Variants in GLB1L3 observed in about 807,000 individuals in gnomAD.
The protein encoded by GLB1L3 is galactosidase beta 1 like 3.
GLB1L3 carries 89 observed loss-of-function variants against 89.5 expected under a neutral mutation model. The observed-to-expected ratio is 0.99, with a 90% CI of 0.84 to 1.19. GLB1L3 has a LOEUF of 1.19. Ranked by LOEUF, GLB1L3 falls within the 50% of genes most tolerant of loss-of-function variation. The pLI, the probability that GLB1L3 is intolerant of heterozygous loss-of-function variation, is 0.00. For synonymous variants in GLB1L3, 314 were observed against 312.3 expected (o/e 1.01, Z -0.06); for missense variants, 812 against 813.3 (o/e 1.00, Z 0.02).
rs974704013 is a variant in GLB1L3 at position 134,312,285 on chromosome 11, C to T, written c.1288-64C>T. 4 of 1,578,790 alleles carry T rather than the reference C, an allele frequency of 2.5e-6. No individual in the cohort carries two copies. In the African/African-American group the frequency reaches 5.4e-5, roughly 21 times the overall value. On this transcript the variant is annotated intron_variant, in intron 13 of 19. Coordinates refer to ENST00000431683, the MANE Select transcript of GLB1L3 (RefSeq NM_001080407.3). Reference sequence around the variant, plus strand: ...ATTAGGCAGGACCAAATGACAGGGTCTTAGGAAGGAGGATCCTGACTGCTC... The same window carrying T: ...ATTAGGCAGGACCAAATGACAGGGTTTTAGGAAGGAGGATCCTGACTGCTC...
downstream of GLB1L3, among the ~76,000 whole-genome samples, chr11:134,320,151 A>G (rs1009444610): frequency 4.5e-4 from 69 of 152,192 alleles, no homozygotes; most frequent in Non-Finnish European, 1.2e-4. Context: ...ATGCACTATA[A>G]GCAAATCTTA....
At chr11:134,298,192 C>G (rs1941761144) in intron 9 of GLB1L3, among the ~76,000 whole-genome samples, 1 of 151,782 alleles carries the variant, frequency 6.6e-6, no homozygotes, top group East Asian at 1.9e-4. Flanking sequence ...GCTTGGTGTT[C>G]CAGGAGATTC....
chr11:134,279,011 G>T (rs1940535920), intron 3 of GLB1L3, among the ~76,000 whole-genome samples: 1 of 152,152 alleles, frequency 6.6e-6, no homozygotes, highest in Admixed American at 6.5e-5. Flanking sequence ...TTATTTGCTA[G>T]TGTTTTATTT....
At chr11:134,297,583 G>A (rs868798925) in intron 9 of GLB1L3, among the ~76,000 whole-genome samples, 52 of 152,028 alleles carry the variant, frequency 3.4e-4, no homozygotes, top group African/African-American at 5.8e-4. Flanking sequence ...AATATAGGCC[G>A]GGCGCGGTGG....
the GLB1L3 span, among the ~76,000 whole-genome samples, chr11:134,325,241 A>G: frequency 1.3e-5 from 2 of 152,194 alleles, no homozygotes; most frequent in Non-Finnish European, 2.9e-5. Flanking sequence ...TTGCATTTCA[A>G]AGTGAGTACA....
chr11:134,286,488 A>C (rs1036080706), intron 6 of GLB1L3, among the ~76,000 whole-genome samples: 11 of 147,316 alleles, frequency 7.5e-5, no homozygotes, highest in African/African-American at 2.3e-4. Flanking sequence ...AACCAGAAAG[A>C]CTGGTGGCCG....
intron 3 of GLB1L3, among the ~76,000 whole-genome samples, chr11:134,279,364 C>CTTTTTTT (rs10577769): frequency 1.1e-3 from 123 of 108,302 alleles, no homozygotes; most frequent in East Asian, 2.2e-3. Context: ...TTTTCTTTTT[C>CTTTTTTT]TTTTTTTTTT....
intron 11 of GLB1L3, chr11:134,310,085 A>C (rs957098522): frequency 4.7e-6 from 2 of 425,590 alleles, no homozygotes; most frequent in African/African-American, 4.0e-5. Context: ...GCCGGGCGAT[A>C]CAGACTGAGC....
chr11:134,285,189 A>T (rs553690649), intron 6 of GLB1L3, among the ~76,000 whole-genome samples: 13 of 151,868 alleles, frequency 8.6e-5, no homozygotes, highest in African/African-American at 2.7e-4. Flanking sequence ...CTGCCTCCCA[A>T]AGTGCTGGGA....
chr11:134,283,884 C>G lies in GLB1L3; in HGVS notation c.636+39C>G, dbSNP rs544929571. On this transcript the variant is annotated intron_variant, in intron 6 of 19. Coordinates refer to ENST00000431683, the MANE Select transcript of GLB1L3 (RefSeq NM_001080407.3). The stretch of plus-strand genomic sequence containing the variant: ...GTCCCCTGCATCTTTCTTACGTGCC[C>G]TTTAGGGAAAGAGTTTGTTCTGGCT... The G allele has an allele frequency of 3.0e-5, 36 of 1,201,268 alleles. No individual in the cohort carries two copies. In the South Asian group the frequency reaches 4.4e-4, roughly 15 times the overall value. 74.4% of individuals were successfully genotyped at this position (1,201,268 alleles called of 1,614,324 possible). A position where few individuals can be genotyped will look rare whatever the true frequency, so the allele number is the denominator to read the frequency against.
At chr11:134,312,038 G>A (rs1447629297) in intron 13 of GLB1L3, 5 of 236,736 alleles carry the variant, frequency 2.1e-5, no homozygotes, top group Non-Finnish European at 8.1e-6. Context: ...CTCAAGTGAT[G>A]CACCTGCTGC....
chr11:134,308,522 TCCA>T (rs1405295175), intron 10 of GLB1L3, among the ~76,000 whole-genome samples: 2 of 29,574 alleles, frequency 6.8e-5, no homozygotes, highest in Non-Finnish European at 1.6e-4. Flanking sequence ...CACCACCATG[TCCA>T]CCACCACTAC....
chr11:134,292,407 T>C lies in GLB1L3; in HGVS notation c.811+194T>C, dbSNP rs563872990. On this transcript the variant is annotated intron_variant, in intron 8 of 19. Transcript: ENST00000431683. ...GCTCAGGGCCACTCACAGCTCCCTA[T>C]CTTGGCCTTGCTCCTGCCGTCTTTA... 395 of 513,310 alleles carry C rather than the reference T, an allele frequency of 7.7e-4. 1 individual carries two copies. Among genetic ancestry groups the C allele is most frequent in the Admixed American group, 1.1e-3 (33 of 31,330 alleles). The allele number at this position is 513,310 out of a possible 1,614,324, so 31.8% of individuals were successfully genotyped here.
intron 3 of GLB1L3, among the ~76,000 whole-genome samples, chr11:134,278,603 AAAG>A (rs1230839694): frequency 6.6e-6 from 1 of 152,116 alleles, no homozygotes; most frequent in Non-Finnish European, 1.5e-5. Context: ...TGACCACAAA[AAAG>A]CAAAACTGCT....
intron 9 of GLB1L3, among the ~76,000 whole-genome samples, chr11:134,306,738 A>G (rs986537959): frequency 6.6e-6 from 1 of 152,280 alleles, no homozygotes; most frequent in South Asian, 2.1e-4. Flanking sequence ...CTAGGCTACA[A>G]GTGGAATGCA....
chr11:134,308,776 A>G (rs1453168659), intron 10 of GLB1L3, among the ~76,000 whole-genome samples: 3 of 152,168 alleles, frequency 2.0e-5, no homozygotes, highest in Non-Finnish European at 2.9e-5. Flanking sequence ...GAATTTTCTC[A>G]TCAGTCCCAT....
chr11:134,300,542 G>T (rs184612466), intron 9 of GLB1L3, among the ~76,000 whole-genome samples: 1,631 of 151,988 alleles, frequency 0.011, 21 homozygotes, highest in African/African-American at 0.037. Context: ...CACCGTGTTA[G>T]CCAGGATGGT....
chr11:134,292,773 C>T (rs969414825), intron 8 of GLB1L3: 19 of 363,560 alleles, frequency 5.2e-5, no homozygotes, highest in South Asian at 2.9e-5. Flanking sequence ...CTGCTGCCGG[C>T]GGCTGCCGTT....
At chr11:134,293,265 G>A (rs965752130) in intron 9 of GLB1L3, 56 bp downstream of exon 9, 2 of 1,371,584 alleles carry the variant, frequency 1.5e-6, no homozygotes, top group East Asian at 2.3e-5. Flanking sequence ...GACCTCCCTT[G>A]CCTATGTAGC....
Sources: allele counts gnomAD v4.1 joint callset (sites outside exome capture counted in the v4.1 genomes callset), GRCh38; gene constraint gnomAD v4.1.1; transcripts MANE v1.5; gene names NCBI Gene and HGNC (gene_info 2026-07-23, HGNC 2026-07-21).